ANXA4: variants seen among roughly 807,000 people sequenced by gnomAD.
ANXA4 encodes annexin A4, also known as 35-beta calcimedin.
ANXA4 carries 39 observed loss-of-function variants against 49.8 expected under a neutral mutation model. The observed-to-expected ratio is 0.78, with a 90% CI of 0.61 to 1.02. The LOEUF is 1.02. Ranked by LOEUF, ANXA4 falls within the 50% of genes least tolerant of loss-of-function variation. ANXA4 has a pLI of 0.00. For missense variants in ANXA4, 360 were observed against 410.1 expected, an observed-to-expected ratio of 0.88 and a Z score of 1.05; for synonymous variants, 134 against 152.5, an observed-to-expected ratio of 0.88 and a Z score of 0.89.
intron 12 of ANXA4, among the ~76,000 whole-genome samples, chr2:69,824,787 C>T (rs1049147457): frequency 1.1e-4 from 17 of 152,000 alleles, no homozygotes; most frequent in African/African-American, 3.9e-4. Context: ...AGGGCCCTAG[C>T]ACGGTTGCTC....
chr2:69,808,080 A>C, intron 6 of ANXA4, 84 bp downstream of exon 6: 1 of 1,328,764 alleles, frequency 7.5e-7, no homozygotes, highest in Non-Finnish European at 1.1e-6. Context: ...TTTGCTGATT[A>C]GACTTTTCAC....
intron 2 of ANXA4, among the ~76,000 whole-genome samples, chr2:69,669,094 G>A (rs116765520): frequency 0.064 from 9,656 of 151,444 alleles, 1,005 homozygotes; most frequent in East Asian, 0.36. Context: ...GTGCCACCAC[G>A]CCGGCTAATC....
intron 3 of ANXA4, among the ~76,000 whole-genome samples, chr2:69,726,154 C>G (rs1033061432): frequency 3.9e-5 from 6 of 152,136 alleles, no homozygotes; most frequent in African/African-American, 1.4e-4. Flanking sequence ...GGGGCGGTTT[C>G]CCCCGTGATG....
intron 9 of ANXA4, chr2:69,817,179 G>A (rs1438522287): frequency 6.6e-6 from 1 of 152,182 alleles, no homozygotes; most frequent in Non-Finnish European, 1.5e-5. Context: ...CCGATTTAGT[G>A]CATAAATGCA....
At chr2:69,764,953 T>A (rs114250149) in intron 1 of ANXA4, among the ~76,000 whole-genome samples, 523 of 146,256 alleles carry the variant, frequency 3.6e-3, no homozygotes, top group African/African-American at 0.012. Flanking sequence ...CTTTTGTGAC[T>A]GGCTTATTTC....
chr2:69,720,643 T>C (rs535313175), intron 2 of ANXA4: 1 of 152,192 alleles, frequency 6.6e-6, no homozygotes, highest in Non-Finnish European at 1.5e-5. Context: ...ATATGGGAAA[T>C]TGACCAGAGG....
At chr2:69,660,640 G>A (rs953503674) in intron 2 of ANXA4, among the ~76,000 whole-genome samples, 4 of 152,000 alleles carry the variant, frequency 2.6e-5, no homozygotes, top group Non-Finnish European at 4.4e-5. Flanking sequence ...AACTACCAAA[G>A]GGAAATTTTA....
chr2:69,823,010 C>T (rs919653543), intron 12 of ANXA4, among the ~76,000 whole-genome samples: 3 of 150,542 alleles, frequency 2.0e-5, no homozygotes, highest in African/African-American at 7.3e-5. Context: ...TTCATCATAG[C>T]ATTATTTATA....
intron 1 of ANXA4, among the ~76,000 whole-genome samples, chr2:69,778,122 C>T (rs1236359772): frequency 6.6e-6 from 1 of 152,208 alleles, no homozygotes; most frequent in Non-Finnish European, 1.5e-5. Context: ...ACATTCTTGG[C>T]TTGTAGGTTG....
chr2:69,692,683 T>C (rs1678014931), intron 2 of ANXA4, among the ~76,000 whole-genome samples: 1 of 152,238 alleles, frequency 6.6e-6, no homozygotes, highest in African/African-American at 2.4e-5. Flanking sequence ...TTCCTCTAAG[T>C]AGATGAAACT....
At chr2:69,810,513 G>C in intron 6 of ANXA4, 81 bp from the exon 7 acceptor site, 2 of 1,187,740 alleles carry the variant, frequency 1.7e-6, no homozygotes, top group Non-Finnish European at 2.5e-6. Flanking sequence ...CTGGTCTTGA[G>C]GGGACAGATT....
At chr2:69,807,148 A>G (rs1476309664) in intron 5 of ANXA4, among the ~76,000 whole-genome samples, 3 of 152,170 alleles carry the variant, frequency 2.0e-5, no homozygotes, top group African/African-American at 7.2e-5. Flanking sequence ...TTCTTTTCCA[A>G]AAAGTTAGGG....
intron 1 of ANXA4, among the ~76,000 whole-genome samples, chr2:69,780,449 G>C (rs572489356): frequency 6.6e-6 from 1 of 152,272 alleles, no homozygotes; most frequent in South Asian, 2.1e-4. Flanking sequence ...ACCTGCCTCA[G>C]CCTCCTAAAG....
At chr2:69,755,217 G>C (rs747493100) in intron 1 of ANXA4, among the ~76,000 whole-genome samples, 14 of 152,204 alleles carry the variant, frequency 9.2e-5, no homozygotes, top group Non-Finnish European at 2.1e-4. Flanking sequence ...ACTGTTTCAC[G>C]TGTTCGGAGT....
At position 69,730,547 on chromosome 2, in the gene ANXA4, T is replaced by C. The variant is rs545605790; in HGVS notation, n.864+9676T>C. On this transcript the variant is annotated intron_variant and non_coding_transcript_variant, in intron 3 of 3. Transcript: ENST00000418066. ...AGGATAAGCAAATTTGTGAGCAGTC[T>C]CCTTCTAAGATGGGGGTTTCTGAGG... is the stretch of plus-strand genomic sequence containing the variant. Among the ~76,000 whole-genome samples the C allele has an allele frequency of 5.3e-5, 8 of 152,298 alleles. No individual in the cohort carries two copies. In the East Asian group the frequency reaches 1.5e-3, roughly 29 times the overall value.
intron 3 of ANXA4, among the ~76,000 whole-genome samples, chr2:69,790,742 G>T (rs1364655507): frequency 6.6e-6 from 1 of 152,256 alleles, no homozygotes; most frequent in Middle Eastern, 3.4e-3. Context: ...TTCTATTACC[G>T]ATGCCTTTCT....
chr2:69,826,948 T>G lies in ANXA4; in HGVS notation c.*1433T>G, dbSNP rs997407821. 3.3e-5 allele frequency: 5 copies of G among 152,264 alleles called. No homozygotes were observed. The highest frequency in any genetic ancestry group is 1.3e-4 in the Admixed American group (2 of 15,288). 9.4% of individuals were successfully genotyped at this position (152,264 alleles called of 1,614,324 possible). A position where few individuals can be genotyped will look rare whatever the true frequency, so the allele number is the denominator to read the frequency against. Reference sequence around the variant, plus strand: ...CAAGATAAGAAAAAAAAAATCATATTTAGTCTTATGCGTGCCTACTGGCTA... The same window carrying G: ...CAAGATAAGAAAAAAAAAATCATATGTAGTCTTATGCGTGCCTACTGGCTA... On this transcript the variant is annotated 3_prime_UTR_variant, in exon 13 of 13. Transcript: ENST00000394295.
intron 3 of ANXA4, among the ~76,000 whole-genome samples, chr2:69,798,321 G>A (rs1673032617): frequency 6.6e-6 from 1 of 152,164 alleles, no homozygotes; most frequent in Non-Finnish European, 1.5e-5. Context: ...TTATTTCCTG[G>A]GCTATAAAAA....
chr2:69,731,933 AAAT>A (rs1670108377), intron 3 of ANXA4, among the ~76,000 whole-genome samples: 1 of 151,838 alleles, frequency 6.6e-6, no homozygotes, highest in African/African-American at 2.4e-5. Flanking sequence ...GAAAAAACAG[AAAT>A]ACCAAATGCT....
Sources: gnomAD v4.1 joint callset for allele counts (sites outside exome capture counted in the v4.1 genomes callset) on GRCh38, gnomAD v4.1.1 for gene constraint, MANE v1.5 for transcripts, NCBI Gene and HGNC (gene_info 2026-07-23, HGNC 2026-07-21) for gene names.